The following LRRC7 variants were observed in gnomAD, a reference collection of about 807,000 sequenced individuals.
LRRC7 encodes leucine-rich repeat-containing protein 7.
In LRRC7, 23 loss-of-function variants were observed where a neutral mutation model predicts 175.7. That is an observed-to-expected ratio of 0.13 (90% confidence interval 0.09 to 0.19). The LOEUF (loss-of-function observed/expected upper bound fraction) is 0.19, where lower values mean the gene tolerates loss of function less well. LRRC7 is among the 10% of genes least tolerant of loss of function. The pLI, the probability that LRRC7 is intolerant of heterozygous loss-of-function variation, is 1.00. For missense variants in LRRC7, 1,354 were observed against 1,904.7 expected (o/e 0.71, Z 5.38); for synonymous variants, 685 against 680.9 (o/e 1.01, Z -0.09).
At chr1:69,746,618 G>A (rs1041298483) in intron 2 of LRRC7, among the ~76,000 whole-genome samples, 4 of 151,800 alleles carry the variant, frequency 2.6e-5, no homozygotes, top group Non-Finnish European at 4.4e-5. Flanking sequence ...TACCGAGAAC[G>A]TATTGTATGT....
intron 7 of LRRC7, among the ~76,000 whole-genome samples, chr1:69,850,820 G>A (rs1391613145): frequency 6.6e-6 from 1 of 152,124 alleles, no homozygotes. Flanking sequence ...ACAATCAGCT[G>A]TTGGTGGCTA....
At chr1:70,064,821 A>G (rs1385571108) in intron 23 of LRRC7, among the ~76,000 whole-genome samples, 1 of 151,944 alleles carries the variant, frequency 6.6e-6, no homozygotes, top group Non-Finnish European at 1.5e-5. Context: ...GTTCTTTAAT[A>G]TGAAACATTT....
At chr1:69,718,751 G>C (rs1054919349) in intron 2 of LRRC7, among the ~76,000 whole-genome samples, 1 of 151,778 alleles carries the variant, frequency 6.6e-6, no homozygotes, top group Admixed American at 6.6e-5. Context: ...CTGACTTCCA[G>C]TGTCTGTTTT....
At chr1:70,097,655 C>T (rs1168121147) in intron 25 of LRRC7, among the ~76,000 whole-genome samples, 1 of 143,306 alleles carries the variant, frequency 7.0e-6, no homozygotes, top group Non-Finnish European at 1.5e-5. Context: ...TGTTCCCCTT[C>T]CTGTGTCCAT....
intron 8 of LRRC7, among the ~76,000 whole-genome samples, chr1:69,939,033 A>ATATC (rs1557911076): frequency 1.4e-5 from 1 of 69,280 alleles, no homozygotes; most frequent in African/African-American, 4.0e-5. Context: ...ATATATATCT[A>ATATC]TATATATCTA....
At chr1:69,910,489 CAGAACAGCGGTGGCTGT>C (rs1429182340) in intron 7 of LRRC7, among the ~76,000 whole-genome samples, 1 of 152,300 alleles carries the variant, frequency 6.6e-6, no homozygotes, top group Admixed American at 6.5e-5. Flanking sequence ...GCGGTGGCTG[CAGAACAGCGGTGGCTGT>C]AGAACAGCAG....
At chr1:69,922,840 T>C (rs1032851604) in intron 7 of LRRC7, among the ~76,000 whole-genome samples, 51 of 152,222 alleles carry the variant, frequency 3.4e-4, no homozygotes, top group African/African-American at 1.2e-3. Context: ...CTTTAAGTTT[T>C]AGGGTACATG....
chr1:69,568,737 CG>C, intron 1 of LRRC7, 96 bp downstream of exon 1: 1 of 349,174 alleles, frequency 2.9e-6, no homozygotes, highest in Non-Finnish European at 4.6e-6. Flanking sequence ...AGAGGCCGGC[CG>C]GGGGCGGGGG....
intron 8 of LRRC7, among the ~76,000 whole-genome samples, chr1:69,944,489 A>G (rs952348657): frequency 6.6e-6 from 1 of 152,102 alleles, no homozygotes; most frequent in African/African-American, 2.4e-5. Flanking sequence ...AAATTTTTTG[A>G]AGTCCCTATT....
intron 4 of LRRC7, among the ~76,000 whole-genome samples, chr1:69,816,549 G>A (rs1297420005): frequency 6.6e-6 from 1 of 152,120 alleles, no homozygotes; most frequent in Non-Finnish European, 1.5e-5. Context: ...GGCCTGAAGT[G>A]TCCCAGTGAA....
intron 1 of LRRC7, among the ~76,000 whole-genome samples, chr1:69,653,245 AAAT>A (rs1274161268): frequency 2.0e-5 from 3 of 151,344 alleles, no homozygotes; most frequent in Non-Finnish European, 4.4e-5. Flanking sequence ...TTCAAAAACA[AAAT>A]AACCCAATTT....
At position 69,909,009 on chromosome 1, in the gene LRRC7, C is replaced by G. The variant is rs932876095; in HGVS notation, c.648-22498C>G. ...TTAGCTCTTCTTGTTGAATTGATCC[C>G]TTTACCATTATGTAATGGCCTTCTT... On this transcript the variant is annotated intron_variant, in intron 7 of 26. Coordinates refer to ENST00000651989, the MANE Select transcript of LRRC7 (RefSeq NM_001370785.2). Among the ~76,000 whole-genome samples the G allele has an allele frequency of 5.3e-4, 81 of 151,776 alleles. No homozygotes were observed. In the East Asian group the frequency reaches 0.013, roughly 24 times the overall value.
intron 7 of LRRC7, among the ~76,000 whole-genome samples, chr1:69,897,700 G>C (rs1001636361): frequency 6.6e-6 from 1 of 152,134 alleles, no homozygotes; most frequent in Non-Finnish European, 1.5e-5. Flanking sequence ...TGTTCTAGCA[G>C]AATCATTTTC....
At chr1:69,777,898 A>G (rs1454168212) in intron 3 of LRRC7, among the ~76,000 whole-genome samples, 4 of 152,128 alleles carry the variant, frequency 2.6e-5, no homozygotes, top group African/African-American at 9.7e-5. Context: ...AAATATAAAT[A>G]TGACCAGACT....
chr1:69,602,028 T>C (rs1647094690), intron 1 of LRRC7, among the ~76,000 whole-genome samples: 1 of 152,192 alleles, frequency 6.6e-6, no homozygotes, highest in African/African-American at 2.4e-5. Flanking sequence ...TATATACCTG[T>C]CATTTAGTTC....
intron 22 of LRRC7, among the ~76,000 whole-genome samples, chr1:70,047,522 C>T (rs564661070): frequency 2.0e-5 from 3 of 152,154 alleles, no homozygotes; most frequent in East Asian, 1.9e-4. Flanking sequence ...TTGTAATAAA[C>T]TAATTAAAGG....
chr1:69,809,835 G>A (rs1677604665), intron 4 of LRRC7, among the ~76,000 whole-genome samples: 1 of 151,340 alleles, frequency 6.6e-6, no homozygotes, highest in African/African-American at 2.4e-5. Context: ...GGCAAAAACT[G>A]GAAGCATTCC....
rs112396627 is a variant in LRRC7 at position 69,889,782 on chromosome 1, G to T, written c.648-41725G>T. Among the ~76,000 whole-genome samples, 1,479 of 152,262 alleles carry T rather than the reference G, an allele frequency of 9.7e-3. 21 individuals are homozygous for T. The highest frequency in any genetic ancestry group is 0.034 in the African/African-American group (1,400 of 41,538). ...AGACTGTGCCACTCACTCCAGCCTG[G>T]AAGACAGAGTGAGACCCTGTCTAAA... On this transcript the variant is annotated intron_variant, in intron 7 of 26. Transcript: ENST00000651989.
chr1:69,614,260 G>A (rs544755062), intron 1 of LRRC7, among the ~76,000 whole-genome samples: 12 of 151,996 alleles, frequency 7.9e-5, no homozygotes, highest in Admixed American at 2.0e-4. Flanking sequence ...TGATAACAAT[G>A]GAAAATGAAT....
Sources: gnomAD v4.1 joint callset for allele counts (sites outside exome capture counted in the v4.1 genomes callset) on GRCh38, gnomAD v4.1.1 for gene constraint, MANE v1.5 for transcripts, NCBI Gene and HGNC (gene_info 2026-07-23, HGNC 2026-07-21) for gene names.